Variants in PIBF1 observed in about 807,000 individuals in gnomAD.
PIBF1 encodes the protein progesterone-induced-blocking factor 1.
A neutral mutation model predicts 112.5 loss-of-function variants in PIBF1; 90 were observed. That is an observed-to-expected ratio of 0.80 (90% confidence interval 0.67 to 0.95). The LOEUF is 0.95. PIBF1 is among the 40% of genes least tolerant of loss of function. PIBF1 has a pLI of 0.00. For missense variants in PIBF1, 915 were observed against 852.3 expected (o/e 1.07, Z -0.92); for synonymous variants, 301 against 288.6 (o/e 1.04, Z -0.44).
intron 15 of PIBF1, among the ~76,000 whole-genome samples, chr13:72,968,912 G>A (rs971076861): frequency 2.6e-5 from 4 of 151,830 alleles, no homozygotes; most frequent in Admixed American, 1.3e-4. Flanking sequence ...GTGATGGCAC[G>A]CTTCTGTAGT....
intron 10 of PIBF1, among the ~76,000 whole-genome samples, chr13:72,865,680 CTT>C (rs1279696574): frequency 6.6e-6 from 1 of 152,156 alleles, no homozygotes. Context: ...AGTAATATGG[CTT>C]GTCCTCAGTT....
chr13:73,012,593 A>ACAAAAAAAAC (rs2044236896), intron 17 of PIBF1, among the ~76,000 whole-genome samples: 1 of 151,374 alleles, frequency 6.6e-6, no homozygotes, highest in Non-Finnish European at 1.5e-5. Flanking sequence ...ACAAAAAAAA[A>ACAAAAAAAAC]CAAAAAAAAC....
chr13:72,954,424 T>C (rs2042384378), intron 14 of PIBF1, among the ~76,000 whole-genome samples: 1 of 152,208 alleles, frequency 6.6e-6, no homozygotes, highest in African/African-American at 2.4e-5. Flanking sequence ...TAAAATCATA[T>C]TGCGAATCTC....
intron 11 of PIBF1, among the ~76,000 whole-genome samples, chr13:72,905,561 C>T (rs2040674147): frequency 6.6e-6 from 1 of 152,128 alleles, no homozygotes; most frequent in Non-Finnish European, 1.5e-5. Flanking sequence ...TAGATGGTGT[C>T]TACTTATAAA....
intron 10 of PIBF1, among the ~76,000 whole-genome samples, chr13:72,860,126 G>A (rs1454421734): frequency 6.6e-6 from 1 of 152,130 alleles, no homozygotes; most frequent in Admixed American, 6.5e-5. Flanking sequence ...GCTTGTAAAG[G>A]TTGAAGCATC....
intron 11 of PIBF1, among the ~76,000 whole-genome samples, chr13:72,908,031 A>T (rs2040761429): frequency 6.6e-6 from 1 of 152,092 alleles, no homozygotes; most frequent in East Asian, 1.9e-4. Flanking sequence ...TTACCTTTTG[A>T]TTTCCTGCTT....
intron 17 of PIBF1, among the ~76,000 whole-genome samples, chr13:73,004,058 C>T (rs1405070422): frequency 6.6e-6 from 1 of 152,054 alleles, no homozygotes; most frequent in Non-Finnish European, 1.5e-5. Flanking sequence ...TATGAAAATT[C>T]AGAGAAAGAA....
At chr13:72,963,357 G>C (rs1218160992) in intron 14 of PIBF1, among the ~76,000 whole-genome samples, 1 of 152,212 alleles carries the variant, frequency 6.6e-6, no homozygotes, top group Non-Finnish European at 1.5e-5. Flanking sequence ...ACTTTGGGAG[G>C]CCAAGGCAGG....
At chr13:72,861,072 T>C (rs544790071) in intron 10 of PIBF1, among the ~76,000 whole-genome samples, 1 of 152,174 alleles carries the variant, frequency 6.6e-6, no homozygotes, top group Non-Finnish European at 1.5e-5. Flanking sequence ...ATCTAAAATG[T>C]AAGGTTGCAA....
intron 15 of PIBF1, among the ~76,000 whole-genome samples, chr13:72,968,295 C>CT (rs1566500601): frequency 5.0e-5 from 6 of 119,092 alleles, no homozygotes; most frequent in Admixed American, 4.9e-4. Context: ...TGTTGTTGTT[C>CT]TTTTTTTTCT....
At chr13:72,806,894 G>C (rs961692260) in intron 5 of PIBF1, among the ~76,000 whole-genome samples, 4 of 151,752 alleles carry the variant, frequency 2.6e-5, no homozygotes, top group Admixed American at 6.6e-5. Flanking sequence ...GGAATTGCTG[G>C]GTCAGATGGT....
At chr13:72,972,637 C>T (rs966541374) in intron 15 of PIBF1, among the ~76,000 whole-genome samples, 2 of 150,620 alleles carry the variant, frequency 1.3e-5, no homozygotes, top group Non-Finnish European at 2.9e-5. Flanking sequence ...GCACTCCAGC[C>T]TGGGTGACAG....
chr13:72,893,911 T>G lies in PIBF1; in HGVS notation c.1450T>G (p.Cys484Gly). Reference protein sequence around the residue: ...QEETARNLTQCQLECEKYQKK... With the variant: ...QEETARNLTQGQLECEKYQKK... The stretch of plus-strand genomic sequence containing the variant: ...GGAAACAGCAAGAAATCTCACACAG[T>G]GTCAATTGGAATGTGAAAAATATCA... The change falls in exon 11 of 18, where the codon TGT becomes GGT. Residue 484 changes from cysteine (C) to glycine (G), a missense_variant. Cys to Gly is a radical substitution (Grantham distance 159). Transcript: ENST00000326291. 6.2e-7 allele frequency: 1 copy of G among 1,607,708 alleles called. No homozygotes were observed. The highest frequency in any genetic ancestry group is 1.1e-5 in the South Asian group (1 of 89,890).
At chr13:72,953,977 A>C (rs979014744) in intron 14 of PIBF1, among the ~76,000 whole-genome samples, 2 of 152,108 alleles carry the variant, frequency 1.3e-5, no homozygotes, top group African/African-American at 4.8e-5. Flanking sequence ...GGACTGGACC[A>C]GGCAAGTCCT....
chr13:72,825,214 C>T (rs936111300), intron 6 of PIBF1, among the ~76,000 whole-genome samples: 3 of 152,042 alleles, frequency 2.0e-5, no homozygotes, highest in African/African-American at 7.2e-5. Flanking sequence ...TTTTGGGAGA[C>T]AGTTGACAAA....
intron 10 of PIBF1, among the ~76,000 whole-genome samples, chr13:72,855,892 AT>A (rs1291650794): frequency 6.6e-6 from 1 of 152,144 alleles, no homozygotes; most frequent in Non-Finnish European, 1.5e-5. Flanking sequence ...CTAGAATAAG[AT>A]TTATGGGCAA....
At chr13:72,909,588 G>A (rs1288821819) in intron 12 of PIBF1, among the ~76,000 whole-genome samples, 1 of 151,066 alleles carries the variant, frequency 6.6e-6, no homozygotes, top group East Asian at 1.9e-4. Context: ...TCTGCCTCCC[G>A]GTTTCAAGCG....
intron 5 of PIBF1, among the ~76,000 whole-genome samples, chr13:72,815,996 G>A (rs765122602): frequency 2.0e-5 from 3 of 152,204 alleles, no homozygotes; most frequent in Non-Finnish European, 4.4e-5. Context: ...TTGGGTCAAT[G>A]CCTGTTGAGA....
rs10645002 is a variant in PIBF1, at chr13:73,001,582, C to CTTTTTTTTTTTTTTTTTTTTTTTTTTTT, written c.2223+2605_2223+2606insTTTTTTTTTTTTTTTTTTTTTTTTTTTT. Among the ~76,000 whole-genome samples the CTTTTTTTTTTTTTTTTTTTTTTTTTTTT allele has an allele frequency of 3.4e-4, 10 of 29,172 alleles. 4 individuals carry two copies. The highest frequency in any genetic ancestry group is 6.0e-4 in the Non-Finnish European group (8 of 13,368). The allele number at this position is 29,172 out of a possible 152,430, so 19.1% of individuals were successfully genotyped here. On this transcript the variant is annotated intron_variant, in intron 17 of 17. Coordinates refer to ENST00000326291, the MANE Select transcript of PIBF1 (RefSeq NM_006346.4). ...CAGAGGAGGAGAAATAAGAGCTTGACTTTTTTTTTTTTTTTTTTGACACTT... is the reference window on the plus strand; with the variant it reads ...CAGAGGAGGAGAAATAAGAGCTTGACTTTTTTTTTTTTTTTTTTTTTTTTTTTTTTTTTTTTTTTTTTTTTTGACACTT...
Sources: gnomAD v4.1 joint callset for allele counts (sites outside exome capture counted in the v4.1 genomes callset) on GRCh38, gnomAD v4.1.1 for gene constraint, MANE v1.5 for transcripts, NCBI Gene and HGNC (gene_info 2026-07-23, HGNC 2026-07-21) for gene names.